The following NVL variants were observed in gnomAD, a reference collection of about 807,000 sequenced individuals.
NVL encodes the protein nuclear valosin-containing protein-like.
A neutral mutation model predicts 110.2 loss-of-function variants in NVL; 84 were observed. The observed-to-expected ratio is 0.76, with a 90% CI of 0.64 to 0.91. The LOEUF is 0.91. Among genes scored for constraint, NVL ranks in the 40% least tolerant of loss-of-function variants. The pLI, the probability that NVL is intolerant of heterozygous loss-of-function variation, is 0.00. For synonymous variants in NVL, 354 were observed against 361.1 expected, an observed-to-expected ratio of 0.98 and a Z score of 0.22; for missense variants, 882 against 1,035.9, an observed-to-expected ratio of 0.85 and a Z score of 2.04.
intron 19 of NVL, among the ~76,000 whole-genome samples, chr1:224,247,637 C>G (rs1465825493): frequency 2.0e-5 from 3 of 151,684 alleles, no homozygotes; most frequent in Non-Finnish European, 4.4e-5. Flanking sequence ...CCACTGCACT[C>G]CAGCCTGGGC....
At chr1:224,299,802 T>C (rs1397668880) in intron 10 of NVL, among the ~76,000 whole-genome samples, 1 of 152,170 alleles carries the variant, frequency 6.6e-6, no homozygotes, top group Non-Finnish European at 1.5e-5. Context: ...CATAACTAAG[T>C]AGATGGCCTA....
rs530992940 is a variant in NVL at position 224,310,207 on chromosome 1, A to G, written c.342+1593T>C. Among the ~76,000 whole-genome samples, 18 of 151,870 alleles carry G rather than the reference A, an allele frequency of 1.2e-4. No homozygotes were observed. The South Asian group carries it at 3.5e-3, about 30-fold the overall frequency. On this transcript the variant is annotated intron_variant, in intron 5 of 22. Transcript: ENST00000281701. The stretch of plus-strand genomic sequence containing the variant: ...AAAAAAAAAAAAAAAAGAAAGAAAT[A>G]TAGTGTAAAAACTATTTACATCTCA...
At chr1:224,329,652 T>C (rs537863734) in intron 1 of NVL, among the ~76,000 whole-genome samples, 1 of 152,364 alleles carries the variant, frequency 6.6e-6, no homozygotes, top group Admixed American at 6.5e-5. Context: ...CGTTTTAGTG[T>C]GTAAGTTCCT....
At chr1:224,279,789 T>C (rs1666135222) in intron 16 of NVL, among the ~76,000 whole-genome samples, 1 of 152,188 alleles carries the variant, frequency 6.6e-6, no homozygotes, top group Admixed American at 6.5e-5. Context: ...TTCCTTAATA[T>C]AAAATATTCA....
At chr1:224,305,694 C>G (rs1303101930) in intron 6 of NVL, among the ~76,000 whole-genome samples, 2 of 152,102 alleles carry the variant, frequency 1.3e-5, no homozygotes, top group Admixed American at 1.3e-4. Context: ...AGTAGCCCAC[C>G]ACCATGCCCA....
chr1:224,258,826 C>T (rs975157521), intron 18 of NVL, among the ~76,000 whole-genome samples: 5 of 151,264 alleles, frequency 3.3e-5, no homozygotes, highest in Admixed American at 1.3e-4. Flanking sequence ...ATAAAATATC[C>T]AGAATAGACA....
Position 224,294,382 on chromosome 1 carries a change from C to G in NVL, c.1210G>C (p.Val404Leu), listed in dbSNP as rs34631151. Residue 404 changes from valine to leucine, a missense_variant, in exon 12 of 23, where the codon GTC becomes CTC. Coordinates refer to ENST00000281701, the MANE Select transcript of NVL (RefSeq NM_002533.4). ...CGATTAGTAGCTCCAATAACTAGGA[C>G]CCGGGCTGTAGCAGCCACATTATTC... ...DLNNVAATAR[V>L]LVIGATNRPD... The G allele has an allele frequency of 6.2e-7, 1 of 1,613,822 alleles. No homozygotes were observed. The highest frequency in any genetic ancestry group is 2.2e-5 in the East Asian group (1 of 44,882).
intron 5 of NVL, among the ~76,000 whole-genome samples, 188 bp from the exon 6 acceptor site, chr1:224,308,451 G>A (rs1017099776): frequency 2.6e-5 from 4 of 152,134 alleles, no homozygotes; most frequent in African/African-American, 9.7e-5. Context: ...AGCACTTTGG[G>A]AGGCCGAGGT....
chr1:224,272,433 T>A (rs1429995919), intron 17 of NVL, among the ~76,000 whole-genome samples: 1 of 151,916 alleles, frequency 6.6e-6, no homozygotes, highest in African/African-American at 2.4e-5. Flanking sequence ...AAAAGCAAAC[T>A]ATAGCTGGGC....
chr1:224,303,157 G>A (rs375822288), intron 9 of NVL: 21 of 164,622 alleles, frequency 1.3e-4, no homozygotes, highest in Middle Eastern at 5.6e-4. Context: ...TATTATGGCC[G>A]GGTGCGATGA....
At chr1:224,303,435 CA>C (rs397967411) in intron 9 of NVL, among the ~76,000 whole-genome samples, 44 of 105,182 alleles carry the variant, frequency 4.2e-4, no homozygotes, top group Non-Finnish European at 4.8e-4. Context: ...ACTCTGTCTC[CA>C]AAAAAAAAAA....
chr1:224,288,272 G>A (rs979311035), intron 13 of NVL, among the ~76,000 whole-genome samples: 1 of 152,018 alleles, frequency 6.6e-6, no homozygotes, highest in African/African-American at 2.4e-5. Context: ...TATAAGCGTT[G>A]GCAAATATTC....
chr1:224,276,957 CACATAAAACTAGTT>C (rs1665829325), intron 16 of NVL, among the ~76,000 whole-genome samples: 1 of 108,422 alleles, frequency 9.2e-6, no homozygotes, highest in Non-Finnish European at 1.9e-5. Context: ...AGTTTTATGA[CACATAAAACTAGTT>C]TTATGACACA....
At position 224,228,551 on chromosome 1, in the gene NVL, C is replaced by T. The variant is rs1659456534; in HGVS notation, c.2527-881G>A. Among the ~76,000 whole-genome samples the T allele has an allele frequency of 2.0e-5, 3 of 151,656 alleles. No homozygotes were observed. The South Asian group carries it at 6.3e-4, about 32-fold the overall frequency. ...AACTCCTGACCTCATGATCCACCCG[C>T]CTCGGCCTCTCAAAGTGCTGGGATT... On this transcript the variant is annotated intron_variant, in intron 22 of 22. Transcript: ENST00000281701.
At position 224,330,059 on chromosome 1, in the gene NVL, C is replaced by G. The variant is rs1671532530; in HGVS notation, c.57+12G>C. Reference sequence around the variant, plus strand: ...GGGCCCTTGGCGAGGCCAAGCGGTGCAGAATACACACCTGGATGACTCGCT... The same window carrying G: ...GGGCCCTTGGCGAGGCCAAGCGGTGGAGAATACACACCTGGATGACTCGCT... On this transcript the variant is annotated intron_variant, in intron 1 of 22. Coordinates refer to ENST00000281701, the MANE Select transcript of NVL (RefSeq NM_002533.4). 6.2e-7 allele frequency: 1 copy of G among 1,613,796 alleles called. No individual in the cohort carries two copies. The highest frequency in any genetic ancestry group is 8.5e-7 in the Non-Finnish European group (1 of 1,179,850).
At chr1:224,233,763 A>T (rs975592289) in intron 20 of NVL, among the ~76,000 whole-genome samples, 5 of 152,182 alleles carry the variant, frequency 3.3e-5, no homozygotes, top group African/African-American at 4.8e-5. Context: ...TGTCCCAATT[A>T]AAAAACAAAA....
chr1:224,303,603 A>C (rs1668627363), intron 9 of NVL, 120 bp downstream of exon 9: 1 of 962,450 alleles, frequency 1.0e-6, no homozygotes, highest in Non-Finnish European at 1.5e-6. Flanking sequence ...GATCAGTTCC[A>C]ATGACTATGT....
chr1:224,273,785 T>C (rs532330452), intron 17 of NVL, among the ~76,000 whole-genome samples: 1 of 152,290 alleles, frequency 6.6e-6, no homozygotes, highest in East Asian at 1.9e-4. Flanking sequence ...CAGTAGACTT[T>C]GGAATATGAC....
In NVL at chr1:224,308,139, T is replaced by C; in HGVS notation, c.467A>G (p.Lys156Arg). Residue 156 changes from lysine (K) to arginine (R), a missense_variant, in exon 6 of 23, where the codon AAA becomes AGA. Coordinates refer to ENST00000281701, the MANE Select transcript of NVL (RefSeq NM_002533.4). ...TTSSTPRISS[K>R]TGSIPLKTPA... The stretch of plus-strand genomic sequence containing the variant: ...GGTCTTCAAGGGAATGGAGCCTGTT[T>C]TGGAACTTATCCGTGGTGTTGAAGA... 1.2e-6 allele frequency: 2 copies of C among 1,614,118 alleles called. No individual in the cohort carries two copies. The highest frequency in any genetic ancestry group is 1.7e-6 in the Non-Finnish European group (2 of 1,180,008).
Sources: allele counts gnomAD v4.1 joint callset (sites outside exome capture counted in the v4.1 genomes callset), GRCh38; gene constraint gnomAD v4.1.1; transcripts MANE v1.5; gene names NCBI Gene and HGNC (gene_info 2026-07-23, HGNC 2026-07-21).